SLC38A8: variants seen among roughly 807,000 people sequenced by gnomAD.
The protein encoded by SLC38A8 is solute carrier family 38 member 8, also known as amino acid transporter SLC38A8.
Under a neutral mutation model 46.0 loss-of-function variants are expected in SLC38A8, and 65 were observed. The ratio of observed to expected loss-of-function variants is 1.41; its 90% CI spans 1.16 to 1.74. The LOEUF is 1.74. SLC38A8 is among the 40% of genes most tolerant of loss of function. The probability of loss-of-function intolerance (pLI) is 0.00; values close to 1 mark genes in which losing one functional copy is unlikely to be tolerated. For missense variants in SLC38A8, 998 were observed against 567.9 expected (o/e 1.76, Z -7.70); for synonymous variants, 447 against 243.7 (o/e 1.83, Z -7.77).
chr16:84,020,211 G>A (rs1219130626), intron 7 of SLC38A8, among the ~76,000 whole-genome samples: 1 of 150,436 alleles, frequency 6.6e-6, no homozygotes, highest in African/African-American at 2.5e-5. Flanking sequence ...CACAATCACA[G>A]CTCATTCCAG....
intron 3 of SLC38A8, among the ~76,000 whole-genome samples, chr16:84,034,782 T>C (rs2151127192): frequency 6.6e-6 from 1 of 151,184 alleles, no homozygotes; most frequent in South Asian, 2.1e-4. Context: ...AGATCGTGGG[T>C]GAGTTTTAGA....
At chr16:84,032,169 GTT>G (rs879275954) in intron 4 of SLC38A8, among the ~76,000 whole-genome samples, 37,305 of 103,870 alleles carry the variant, frequency 0.36, 5,225 homozygotes, top group East Asian at 0.57. Flanking sequence ...CAGATGTAGA[GTT>G]TTGTTGTTGT....
chr16:84,029,642 A>T, intron 5 of SLC38A8, 91 bp from the exon 6 acceptor site: 2 of 1,262,720 alleles, frequency 1.6e-6, no homozygotes, highest in Admixed American at 3.8e-5. Context: ...GGATGCTGGG[A>T]AAATGTAACA....
chr16:84,032,018 T>A, intron 4 of SLC38A8, 50 bp from the exon 5 acceptor site: 4 of 1,492,038 alleles, frequency 2.7e-6, no homozygotes, highest in Non-Finnish European at 3.7e-6. Flanking sequence ...CATGTGCGGT[T>A]GATGCACGGG....
rs1567699295 is a variant in SLC38A8, at chr16:84,029,516, G to T, written c.668C>A (p.Pro223His). Reference protein sequence around the residue: ...ASWTSVFSVFPTICFGFQCHE... With the variant: ...ASWTSVFSVFHTICFGFQCHE... ...TACCTGAAACCCGAAGCAGATGGTG[G>T]GGAAGACACTGAACACAGAGGTCCA... The change falls in exon 6 of 11, where the codon CCC (proline) becomes CAC (histidine). Residue 223 changes from proline to histidine, a missense_variant. Physicochemically the swap from Pro to His is moderately conservative, Grantham distance 77. Transcript: ENST00000299709. 1.2e-6 allele frequency: 2 copies of T among 1,614,088 alleles called. No individual in the cohort carries two copies. The highest frequency in any genetic ancestry group is 1.1e-5 in the South Asian group (1 of 91,086).
chr16:84,037,697 G>T (rs960639332), intron 2 of SLC38A8, among the ~76,000 whole-genome samples: 1 of 151,372 alleles, frequency 6.6e-6, no homozygotes, highest in Non-Finnish European at 1.5e-5. Context: ...GGAGGCGGAC[G>T]TTGCAGTGAG....
intron 7 of SLC38A8, among the ~76,000 whole-genome samples, chr16:84,018,566 C>G (rs11864782): frequency 0.24 from 36,115 of 151,964 alleles, 7,593 homozygotes; most frequent in African/African-American, 0.57. Context: ...TGCCCATAAC[C>G]CATCAGTCCA....
intron 2 of SLC38A8, 71 bp downstream of exon 2, chr16:84,041,898 C>T (rs569685686): frequency 3.9e-5 from 54 of 1,401,572 alleles, no homozygotes; most frequent in Middle Eastern, 2.6e-4. Context: ...AGAAGCAATG[C>T]GAGGAACCCC....
chr16:84,042,740 T>A lies in SLC38A8; in HGVS notation c.-192A>T. 6.5e-6 allele frequency: 1 copy of A among 152,854 alleles called. No homozygotes were observed. Among genetic ancestry groups the A allele is most frequent in the Non-Finnish European group, 1.5e-5 (1 of 68,464 alleles). 9.5% of individuals were successfully genotyped at this position (152,854 alleles called of 1,614,324 possible). A position where few individuals can be genotyped will look rare whatever the true frequency, so the allele number is the denominator to read the frequency against. On this transcript the variant is annotated 5_prime_UTR_variant, in exon 1 of 11. Transcript: ENST00000299709. The stretch of plus-strand genomic sequence containing the variant: ...CGAGTATGTGTCAGGGTCAGGCCCC[T>A]CCACACCTAAGAGGACAGCAACAAG...
At chr16:84,013,435 T>TGTTTTTTTTTTTTGTTG (rs1555551880) in intron 9 of SLC38A8, among the ~76,000 whole-genome samples, 19 of 130,696 alleles carry the variant, frequency 1.5e-4, no homozygotes, top group Non-Finnish European at 1.9e-4. Flanking sequence ...TTTTTTTTTT[T>TGTTTTTTTTTTTTGTTG]TTTTTTTTTT....
chr16:84,022,814 G>A lies in SLC38A8; in HGVS notation c.766C>T (p.Leu256=). The part of the protein sequence containing the change: ...SLSHWALVSV[L]SLLACCLIYS... ...ATGAGGCAGCAGGCCAGCAAGGACA[G>A]CACAGACACCAGGGCCCAGTGGGAG... The change falls in exon 7 of 11, where the codon CTG becomes TTG. Residue 256 remains leucine, a synonymous_variant. Transcript: ENST00000299709. 2 of 1,613,982 alleles carry A rather than the reference G, an allele frequency of 1.2e-6. No individual in the cohort carries two copies. Among genetic ancestry groups the A allele is most frequent in the Non-Finnish European group, 8.5e-7 (1 of 1,179,966 alleles).
Position 84,009,757 on chromosome 16 carries a change from C to G in SLC38A8, c.*27G>C, listed in dbSNP as rs1425894015. The G allele has an allele frequency of 6.2e-7, 1 of 1,604,418 alleles. No homozygotes were observed. The highest frequency in any genetic ancestry group is 8.5e-7 in the Non-Finnish European group (1 of 1,175,040). ...CACGTAGGGTCAGCCCCCGGAGGGC[C>G]CCTTCCTGCCCGGCACTAGCTGCCC... On this transcript the variant is annotated 3_prime_UTR_variant, in exon 11 of 11. Coordinates refer to ENST00000299709, the MANE Select transcript of SLC38A8 (RefSeq NM_001080442.3).
At chr16:84,021,198 G>T (rs2085090891) in intron 7 of SLC38A8, among the ~76,000 whole-genome samples, 1 of 152,128 alleles carries the variant, frequency 6.6e-6, no homozygotes, top group African/African-American at 2.4e-5. Flanking sequence ...AAGCAGCTGG[G>T]ATTACAGGTG....
rs768730785 is a variant in SLC38A8, at chr16:84,016,685, T to C, written c.996A>G (p.Gly332=). ...QDFWRRSCLG[G]WGPSALADPS... ...GGTCGGCCAGGGCGCTGGGCCCCCA[T>C]CCCCCCAAGCAGCTCCTCCTCCAGA... Residue 332 remains glycine, a synonymous_variant, in exon 9 of 11, where the codon GGA becomes GGG. Transcript: ENST00000299709. 21 of 1,612,906 alleles carry C rather than the reference T, an allele frequency of 1.3e-5. No homozygotes were observed. The Admixed American group carries it at 2.8e-4, about 22-fold the overall frequency.
At position 84,036,773 on chromosome 16, in the gene SLC38A8, G is replaced by A. The variant is rs964122314; in HGVS notation, c.317C>T (p.Ala106Val). 1 of 1,614,198 alleles carries A rather than the reference G, an allele frequency of 6.2e-7. No individual in the cohort carries two copies. Among genetic ancestry groups the A allele is most frequent in the Non-Finnish European group, 8.5e-7 (1 of 1,180,032 alleles). ...CGPAIGKLCEACFLLNLLMIS... is the reference protein window; with the variant it reads ...CGPAIGKLCEVCFLLNLLMIS... ...CATGAGCAGGTTGAGGAGGAAGCAG[G>A]CCTCACACAGCTTCCCAATGGCAGG... The change falls in exon 3 of 11, where the codon GCC (alanine) becomes GTC (valine). Residue 106 changes from alanine to valine, a missense_variant. Physicochemically the swap from Ala to Val is moderately conservative, Grantham distance 64. Transcript: ENST00000299709.
chr16:84,038,296 G>T (rs143669499), intron 2 of SLC38A8, among the ~76,000 whole-genome samples: 6,729 of 151,386 alleles, frequency 0.044, 283 homozygotes, highest in African/African-American at 0.11. Flanking sequence ...GGGCCCCAAA[G>T]CGAGACTCCC....
In SLC38A8 at chr16:84,031,444, G is replaced by A. The variant is rs957656806; in HGVS notation, c.632+423C>T. ...AGAGCAAAACCAAACTCCTCGCCGT[G>A]GCTCTGAATCCCTGTACGACATCCC... On this transcript the variant is annotated intron_variant, in intron 5 of 10. Transcript: ENST00000299709. Among the ~76,000 whole-genome samples, 8 of 152,314 alleles carry A rather than the reference G, an allele frequency of 5.3e-5. No homozygotes were observed. In the South Asian group the frequency reaches 8.3e-4, roughly 16 times the overall value.
intron 2 of SLC38A8, among the ~76,000 whole-genome samples, chr16:84,038,039 T>C (rs941598190): frequency 6.6e-6 from 1 of 151,294 alleles, no homozygotes; most frequent in Admixed American, 6.6e-5. Flanking sequence ...GGCCAGGTGC[T>C]ATGGCTCACG....
intron 7 of SLC38A8, 90 bp downstream of exon 7, chr16:84,022,685 G>C: frequency 3.0e-6 from 3 of 983,978 alleles, no homozygotes; most frequent in Non-Finnish European, 3.1e-6. Context: ...AGCCCAGCAC[G>C]TGGTAAACTC....
Sources: gnomAD v4.1 joint callset for allele counts (sites outside exome capture counted in the v4.1 genomes callset) on GRCh38, gnomAD v4.1.1 for gene constraint, MANE v1.5 for transcripts, NCBI Gene and HGNC (gene_info 2026-07-23, HGNC 2026-07-21) for gene names.